The following UNC80 variants were observed in gnomAD, a reference collection of about 807,000 sequenced individuals.
UNC80 encodes unc-80 subunit of NALCN channel complex.
A neutral mutation model predicts 384.6 loss-of-function variants in UNC80; 164 were observed. The observed-to-expected ratio is 0.43, with a 90% confidence interval of 0.38 to 0.49. UNC80 has a LOEUF of 0.49. UNC80 is among the 20% of genes least tolerant of loss of function. UNC80 has a pLI of 0.00. For missense variants in UNC80, 3,330 were observed against 4,143.0 expected (o/e 0.80, Z 5.39); for synonymous variants, 1,486 against 1,527.8 (o/e 0.97, Z 0.64).
chr2:209,793,681 A>T, intron 6 of UNC80, 39 bp from the exon 7 acceptor site: 1 of 1,605,830 alleles, frequency 6.2e-7, no homozygotes, highest in East Asian at 2.2e-5. Context: ...AACAAAAAAC[A>T]AAAAACAAAA....
chr2:209,977,944 A>T (rs1036472739), intron 58 of UNC80, among the ~76,000 whole-genome samples: 1 of 152,210 alleles, frequency 6.6e-6, no homozygotes, highest in African/African-American at 2.4e-5. Flanking sequence ...CTTTGCAGAC[A>T]ATGTGGTAAA....
rs1329924755 is a variant in UNC80 at position 209,771,974 on chromosome 2, G to A, written c.-99G>A. The A allele has an allele frequency of 1.2e-6, 1 of 844,652 alleles. No individual in the cohort carries two copies. The highest frequency in any genetic ancestry group is 1.7e-5 in the African/African-American group (1 of 57,984). 52.3% of individuals were successfully genotyped at this position (844,652 alleles called of 1,614,324 possible). On this transcript the variant is annotated 5_prime_UTR_variant, in exon 1 of 65. Coordinates refer to ENST00000673920, the MANE Select transcript of UNC80 (RefSeq NM_001371986.1). The stretch of plus-strand genomic sequence containing the variant: ...AGAGAGCCGGCTCTGCCTCGGGGAA[G>A]GAGGGGATGAGAGTTGGGAGCAGCG...
intron 44 of UNC80, 65 bp downstream of exon 44, chr2:209,941,554 A>G: frequency 2.1e-6 from 3 of 1,410,576 alleles, no homozygotes; most frequent in Non-Finnish European, 2.8e-6. Flanking sequence ...TAGCCGTTCA[A>G]CTAGATCTAT....
chr2:209,840,109 T>A (rs114084389), intron 19 of UNC80, among the ~76,000 whole-genome samples: 2,037 of 152,246 alleles, frequency 0.013, 50 homozygotes, highest in African/African-American at 0.045. Context: ...TTTGCAAAAC[T>A]TCACTGCATG....
chr2:209,859,743 A>C (rs1421430994), intron 22 of UNC80, among the ~76,000 whole-genome samples: 1 of 152,220 alleles, frequency 6.6e-6, no homozygotes, highest in African/African-American at 2.4e-5. Context: ...ATGAGATGGT[A>C]TCTGATTGTG....
At position 209,929,880 on chromosome 2, in the gene UNC80, T is replaced by C; in HGVS notation, c.5816T>C (p.Val1939Ala). ...VREDGVAVSA[V>A]AQQVLWNCLI... ...TCTTTCTCTTCTGAAGTGAGTGCTG[T>C]GGCTCAACAAGTCTTATGGAACTGT... is the stretch of plus-strand genomic sequence containing the variant. Residue 1939 changes from valine (V) to alanine (A), a missense_variant, in exon 37 of 65, where the codon GTG becomes GCG. Transcript: ENST00000673920. The C allele has an allele frequency of 1.3e-6, 2 of 1,528,186 alleles. No homozygotes were observed. Among genetic ancestry groups the C allele is most frequent in the Non-Finnish European group, 1.8e-6 (2 of 1,138,262 alleles). 94.7% of individuals were successfully genotyped at this position (1,528,186 alleles called of 1,614,324 possible). A position where few individuals can be genotyped will look rare whatever the true frequency, so the allele number is the denominator to read the frequency against.
At chr2:209,974,032 G>T (rs2092948274) in intron 56 of UNC80, among the ~76,000 whole-genome samples, 1 of 152,164 alleles carries the variant, frequency 6.6e-6, no homozygotes, top group South Asian at 2.1e-4. Flanking sequence ...AATGAACTGG[G>T]CCAGCAGGAA....
chr2:209,918,459 T>C, intron 32 of UNC80, 73 bp from the exon 33 acceptor site: 1 of 1,452,262 alleles, frequency 6.9e-7, no homozygotes, highest in Non-Finnish European at 9.3e-7. Context: ...AGACAGATTG[T>C]GTCATCATTA....
intron 40 of UNC80, 83 bp downstream of exon 40, chr2:209,935,891 C>T: frequency 1.2e-6 from 1 of 821,680 alleles, no homozygotes; most frequent in South Asian, 1.8e-5. Flanking sequence ...AATAAAATGG[C>T]ATTTTTCTGT....
At chr2:209,975,327 A>G (rs1288780443) in intron 56 of UNC80, among the ~76,000 whole-genome samples, 1 of 152,212 alleles carries the variant, frequency 6.6e-6, no homozygotes, top group East Asian at 1.9e-4. Context: ...AGCTCCCGTC[A>G]TAATCTTTGA....
At chr2:209,954,557 A>G (rs934938763) in intron 48 of UNC80, 14 of 222,048 alleles carry the variant, frequency 6.3e-5, no homozygotes, top group Admixed American at 6.1e-4. Context: ...TCCAGCAGTT[A>G]TAACCCAGTG....
Position 209,834,737 on chromosome 2 carries a change from TA to T in UNC80, c.2943-173del, listed in dbSNP as rs528678431. 2.3e-3 allele frequency among the ~76,000 whole-genome samples: 347 copies of T among 152,378 alleles called. 2 individuals are homozygous for T. Among genetic ancestry groups the T allele is most frequent in the Non-Finnish European group, 3.9e-3 (266 of 68,042 alleles). On this transcript the variant is annotated intron_variant, in intron 17 of 64. Coordinates refer to ENST00000673920, the MANE Select transcript of UNC80 (RefSeq NM_001371986.1). ...TGATATTGTGAAGCAAAAAGGCTGCTAAGTCATGAGTTAATGGTGCGGTATA... is the reference window on the plus strand; with the variant it reads ...TGATATTGTGAAGCAAAAAGGCTGCTAGTCATGAGTTAATGGTGCGGTATA...
Position 209,894,148 on chromosome 2 carries a change from ATTCT to A in UNC80, c.4277-12_4277-9del. On this transcript the variant is annotated splice_polypyrimidine_tract_variant and intron_variant, in intron 26 of 64. Coordinates refer to ENST00000673920, the MANE Select transcript of UNC80 (RefSeq NM_001371986.1). ...ACTAGGGGGGAAAAAGCCCTATTTT[ATTCT>A]TTTAATACAGTTCCCAGCAGGAAGA... 3.0e-6 allele frequency: 3 copies of A among 985,288 alleles called. No homozygotes were observed. In the South Asian group the frequency reaches 1.4e-4, roughly 46 times the overall value. 61.0% of individuals were successfully genotyped at this position (985,288 alleles called of 1,614,324 possible).
chr2:209,949,831 C>CT lies in UNC80; in HGVS notation c.7286+3896dup, dbSNP rs923331260. Reference sequence around the variant, plus strand: ...TCTGTAGAAATTTGGTATGGATTAGCTTTTTTTTATTTTTGAAACAGGGTC... The same window carrying CT: ...TCTGTAGAAATTTGGTATGGATTAGCTTTTTTTTTATTTTTGAAACAGGGTC... On this transcript the variant is annotated intron_variant, in intron 47 of 64. Coordinates refer to ENST00000673920, the MANE Select transcript of UNC80 (RefSeq NM_001371986.1). Among the ~76,000 whole-genome samples the CT allele has an allele frequency of 2.2e-5, 3 of 136,410 alleles. No individual in the cohort carries two copies. In the Admixed American group the frequency reaches 2.5e-4, roughly 11 times the overall value. The allele number at this position is 136,410 out of a possible 152,430, so 89.5% of individuals were successfully genotyped here.
Position 209,945,063 on chromosome 2 carries a change from A to C in UNC80, c.7063A>C (p.Asn2355His). The C allele has an allele frequency of 6.4e-7, 1 of 1,551,506 alleles. No homozygotes were observed. The highest frequency in any genetic ancestry group is 8.7e-7 in the Non-Finnish European group (1 of 1,146,802). ...PLLEFPDAANNGPSKGVSAQC... is the reference protein window; with the variant it reads ...PLLEFPDAANHGPSKGVSAQC... ...TTTTCTTTATCAGGATGCTGCCAAT[A>C]ATGGGCCCAGCAAAGGTGTGTCAGC... The change falls in exon 46 of 65, where the codon AAT becomes CAT. Residue 2355 changes from asparagine (N) to histidine (H), a missense_variant. Asn to His is a moderately conservative substitution (Grantham distance 68). Around this residue, in one of 8 missense-constraint regions of UNC80, gnomAD observed 1,049 missense variants for 1,488.6 expected, o/e 0.70. Coordinates refer to ENST00000673920, the MANE Select transcript of UNC80 (RefSeq NM_001371986.1).
At chr2:209,874,524 G>A (rs2084600794) in intron 23 of UNC80, among the ~76,000 whole-genome samples, 1 of 152,200 alleles carries the variant, frequency 6.6e-6, no homozygotes, top group South Asian at 2.1e-4. Flanking sequence ...ATTTGACACT[G>A]CCAACTGCAC....
At chr2:209,880,765 A>G (rs2085218105) in intron 24 of UNC80, among the ~76,000 whole-genome samples, 196 bp from the exon 25 acceptor site, 1 of 152,216 alleles carries the variant, frequency 6.6e-6, no homozygotes, top group African/African-American at 2.4e-5. Context: ...TGCATAAGTC[A>G]TGCTAAAGGA....
rs1184797277 is a variant in UNC80, at chr2:209,888,251, G to A, written c.4267G>A (p.Glu1423Lys). Reference sequence around the variant, plus strand: ...TCTCAAATCAGATGCAGGAGTCGAGGAGAAGAAAGGTATGGAAACACAAAG... The same window carrying A: ...TCTCAAATCAGATGCAGGAGTCGAGAAGAAGAAAGGTATGGAAACACAAAG... ...HTLKSDAGVE[E>K]KKVPSRKIRI... Residue 1423 changes from glutamate to lysine, a missense_variant, in exon 26 of 65, where the codon GAG becomes AAG. Coordinates refer to ENST00000673920, the MANE Select transcript of UNC80 (RefSeq NM_001371986.1). 1.3e-6 allele frequency: 2 copies of A among 1,551,568 alleles called. No homozygotes were observed. The highest frequency in any genetic ancestry group is 1.4e-5 in the African/African-American group (1 of 73,040).
chr2:209,849,655 C>G, intron 22 of UNC80, 32 bp downstream of exon 22: 3 of 1,545,640 alleles, frequency 1.9e-6, no homozygotes, highest in Non-Finnish European at 2.6e-6. Flanking sequence ...CCCACCCTGC[C>G]CCCCATCCCA....
Sources: gnomAD v4.1 joint callset for allele counts (sites outside exome capture counted in the v4.1 genomes callset) on GRCh38, gnomAD v4.1.1 for gene constraint, gnomAD v4.1.1 regional missense constraint, MANE v1.5 for transcripts, NCBI Gene and HGNC (gene_info 2026-07-23, HGNC 2026-07-21) for gene names.